ZNF804B: variants seen among roughly 807,000 people sequenced by gnomAD.
The protein encoded by ZNF804B is zinc finger 804B.
A neutral mutation model predicts 101.4 loss-of-function variants in ZNF804B; 80 were observed. The ratio of observed to expected loss-of-function variants is 0.79; its 90% CI spans 0.66 to 0.95. The LOEUF is 0.95. Among genes scored for constraint, ZNF804B ranks in the 40% least tolerant of loss-of-function variants. The pLI is 0.00. For missense variants in ZNF804B, 1,673 were observed against 1,561.9 expected (o/e 1.07, Z -1.20); for synonymous variants, 622 against 558.8 (o/e 1.11, Z -1.59).
chr7:89,045,292 G>A lies in ZNF804B; in HGVS notation c.109-172863G>A, dbSNP rs191823667. On this transcript the variant is annotated intron_variant, in intron 1 of 3. Transcript: ENST00000333190. Reference sequence around the variant, plus strand: ...CCAGGCAGAAGTCTGCTGCAGGGGCGGAACCCTCATAGAAAACCTTTACTA... The same window carrying A: ...CCAGGCAGAAGTCTGCTGCAGGGGCAGAACCCTCATAGAAAACCTTTACTA... Among the ~76,000 whole-genome samples the A allele has an allele frequency of 2.4e-4, 37 of 152,330 alleles. No homozygotes were observed. The South Asian group carries it at 6.6e-3, about 27-fold the overall frequency.
At chr7:88,840,361 C>G (rs531153251) in intron 1 of ZNF804B, among the ~76,000 whole-genome samples, 11 of 152,120 alleles carry the variant, frequency 7.2e-5, no homozygotes, top group African/African-American at 2.6e-4. Context: ...TGAGTATTTC[C>G]CATCTGGATA....
chr7:89,158,169 C>T (rs1477859362), intron 1 of ZNF804B, among the ~76,000 whole-genome samples: 1 of 152,132 alleles, frequency 6.6e-6, no homozygotes, highest in Non-Finnish European at 1.5e-5. Flanking sequence ...TTTCTTGGCT[C>T]TGGCCTCAAA....
At chr7:88,802,574 A>G (rs531659433) in intron 1 of ZNF804B, among the ~76,000 whole-genome samples, 1 of 152,284 alleles carries the variant, frequency 6.6e-6, no homozygotes, top group Non-Finnish European at 1.5e-5. Flanking sequence ...GATTGGGACA[A>G]GATTATAAAT....
intron 1 of ZNF804B, among the ~76,000 whole-genome samples, chr7:89,091,578 A>C (rs1789887490): frequency 6.6e-6 from 1 of 152,212 alleles, no homozygotes; most frequent in African/African-American, 2.4e-5. Context: ...GGTCATAATC[A>C]AAAGCAAATA....
chr7:88,993,844 G>T (rs1793883025), intron 1 of ZNF804B, among the ~76,000 whole-genome samples: 1 of 151,616 alleles, frequency 6.6e-6, no homozygotes, highest in Admixed American at 6.6e-5. Context: ...TGTGTATTCT[G>T]AACAATAGGA....
chr7:89,201,368 T>C (rs1788633742), intron 1 of ZNF804B, among the ~76,000 whole-genome samples: 2 of 152,172 alleles, frequency 1.3e-5, no homozygotes, highest in African/African-American at 4.8e-5. Flanking sequence ...TTTGACCAAT[T>C]CGAAGTGAAC....
intron 1 of ZNF804B, among the ~76,000 whole-genome samples, chr7:89,034,344 G>A (rs543658711): frequency 3.3e-5 from 5 of 151,878 alleles, no homozygotes; most frequent in South Asian, 4.2e-4. Context: ...TACATGTGCC[G>A]TGGTTGTTTG....
At chr7:89,012,948 C>G (rs543880355) in intron 1 of ZNF804B, among the ~76,000 whole-genome samples, 1 of 152,124 alleles carries the variant, frequency 6.6e-6, no homozygotes, top group Non-Finnish European at 1.5e-5. Context: ...CCTCAGGAAA[C>G]TTAACAATCA....
At chr7:88,891,377 T>TA (rs1554344379) in intron 1 of ZNF804B, among the ~76,000 whole-genome samples, 11 of 152,224 alleles carry the variant, frequency 7.2e-5, no homozygotes, top group Non-Finnish European at 5.9e-5. Context: ...TTTTGTCCAA[T>TA]AATAATAGCT....
At chr7:88,780,922 G>A (rs1227877017) in intron 1 of ZNF804B, among the ~76,000 whole-genome samples, 1 of 151,976 alleles carries the variant, frequency 6.6e-6, no homozygotes, top group Non-Finnish European at 1.5e-5. Flanking sequence ...ATTTTATAAT[G>A]TACTAATTCT....
chr7:88,789,428 T>C (rs191212140), intron 1 of ZNF804B, among the ~76,000 whole-genome samples: 1 of 152,248 alleles, frequency 6.6e-6, no homozygotes, highest in African/African-American at 2.4e-5. Flanking sequence ...GTTACTGTTG[T>C]TACACTGTTA....
At chr7:89,205,943 C>T (rs762420256) in intron 1 of ZNF804B, among the ~76,000 whole-genome samples, 2 of 152,232 alleles carry the variant, frequency 1.3e-5, no homozygotes, top group Non-Finnish European at 2.9e-5. Flanking sequence ...CCTGGACATA[C>T]AGGCATTTCC....
chr7:88,903,597 C>T (rs1792424047), intron 1 of ZNF804B, among the ~76,000 whole-genome samples: 1 of 152,140 alleles, frequency 6.6e-6, no homozygotes, highest in Admixed American at 6.5e-5. Context: ...TCCCTTTTCT[C>T]CATAGCCTCG....
At chr7:89,279,494 T>C (rs1193781564) in intron 2 of ZNF804B, among the ~76,000 whole-genome samples, 3 of 150,988 alleles carry the variant, frequency 2.0e-5, no homozygotes, top group Non-Finnish European at 4.5e-5. Flanking sequence ...GGGTTTGTCA[T>C]AGATAGCTCT....
chr7:89,256,576 A>G (rs974232736), intron 2 of ZNF804B, among the ~76,000 whole-genome samples: 2 of 152,178 alleles, frequency 1.3e-5, no homozygotes, highest in Admixed American at 1.3e-4. Context: ...ATACATTCAA[A>G]TACTGTAAAG....
chr7:89,107,907 C>A (rs552925345), intron 1 of ZNF804B, among the ~76,000 whole-genome samples: 30 of 152,074 alleles, frequency 2.0e-4, no homozygotes, highest in African/African-American at 6.7e-4. Context: ...AACAGTGGGT[C>A]CTTCCCGGAA....
At chr7:89,018,085 G>T (rs539854280) in intron 1 of ZNF804B, among the ~76,000 whole-genome samples, 1 of 151,948 alleles carries the variant, frequency 6.6e-6, no homozygotes, top group African/African-American at 2.4e-5. Context: ...GGCATTCTTC[G>T]CATGTTCGAT....
At chr7:89,059,818 G>C (rs1458344160) in intron 1 of ZNF804B, among the ~76,000 whole-genome samples, 3 of 152,110 alleles carry the variant, frequency 2.0e-5, no homozygotes, top group African/African-American at 7.2e-5. Context: ...GTGTCTGTGA[G>C]GGTGTTTCTA....
At chr7:88,983,852 T>A (rs993647317) in intron 1 of ZNF804B, among the ~76,000 whole-genome samples, 7 of 152,066 alleles carry the variant, frequency 4.6e-5, no homozygotes, top group African/African-American at 1.7e-4. Flanking sequence ...CTAAAGCTGA[T>A]TCTTGATCAT....
Sources: allele counts gnomAD v4.1 joint callset (sites outside exome capture counted in the v4.1 genomes callset), GRCh38; gene constraint gnomAD v4.1.1; transcripts MANE v1.5; gene names NCBI Gene and HGNC (gene_info 2026-07-23, HGNC 2026-07-21).